Variants in MED13 observed in about 807,000 individuals in gnomAD.
MED13 encodes the protein mediator complex subunit 13.
A neutral mutation model predicts 225.2 loss-of-function variants in MED13; 23 were observed. The observed-to-expected ratio is 0.10, with a 90% CI of 0.07 to 0.14. MED13 has a LOEUF of 0.14. Among genes scored for constraint, MED13 ranks in the 10% least tolerant of loss-of-function variants. The pLI is 1.00. For synonymous variants in MED13, 942 were observed against 889.2 expected, an observed-to-expected ratio of 1.06 and a Z score of -1.06; for missense variants, 2,197 against 2,594.5, an observed-to-expected ratio of 0.85 and a Z score of 3.33.
At chr17:61,984,063 G>A (rs2080227656) in intron 15 of MED13, 108 bp downstream of exon 15, 5 of 832,806 alleles carry the variant, frequency 6.0e-6, no homozygotes, top group Non-Finnish European at 8.7e-6. Flanking sequence ...ATAATTTTTA[G>A]AATTTTCAAA....
At position 61,982,485 on chromosome 17, in the gene MED13, T is replaced by C. The variant is rs1295340523; in HGVS notation, c.3518A>G (p.His1173Arg). 1 of 1,614,248 alleles carries C rather than the reference T, an allele frequency of 6.2e-7. No homozygotes were observed. The highest frequency in any genetic ancestry group is 8.5e-7 in the Non-Finnish European group (1 of 1,180,052). ...AGATTCCTTTAGTCCTCCATTAACA[T>C]GTTCAGCAGAGGTAGCCCTGAGAGC... ...FEALRATSAE[H>R]VNGGLKESEK... Residue 1173 changes from histidine to arginine, a missense_variant, in exon 16 of 30, where the codon CAT becomes CGT. By Grantham distance (29) the His-to-Arg change is conservative. Transcript: ENST00000397786.
intron 8 of MED13, among the ~76,000 whole-genome samples, chr17:62,015,940 ATATATATATATATATTTTTTT>A (rs2080569582): frequency 1.0e-4 from 1 of 9,638 alleles, no homozygotes; most frequent in Non-Finnish European, 2.3e-4. Flanking sequence ...ATATATATAT[ATATATATATATATATTTTTTT>A]TTTTTTTTTT....
intron 9 of MED13, chr17:62,005,922 G>T (rs1459752271): frequency 6.6e-6 from 1 of 152,126 alleles, no homozygotes; most frequent in East Asian, 1.9e-4. Context: ...TCGGCATAGT[G>T]CACAGCAGCC....
chr17:62,032,096 T>C (rs1312684603), intron 5 of MED13, among the ~76,000 whole-genome samples: 1 of 152,028 alleles, frequency 6.6e-6, no homozygotes, highest in Non-Finnish European at 1.5e-5. Flanking sequence ...TTTCTGTTTC[T>C]GTCACAACTG....
rs1176283082 is a variant in MED13, at chr17:61,944,317, A to G, written c.*2151T>C. 6.6e-6 allele frequency: 1 copy of G among 152,260 alleles called. No homozygotes were observed. Among genetic ancestry groups the G allele is most frequent in the Non-Finnish European group, 1.5e-5 (1 of 67,922 alleles). The allele number at this position is 152,260 out of a possible 1,614,324, so 9.4% of individuals were successfully genotyped here. A position where few individuals can be genotyped will look rare whatever the true frequency, so the allele number is the denominator to read the frequency against. ...AGTCACTATTAAGTGTATAAAAAGG[A>G]TACTCTTTTTATGGAAATTCCAAAT... On this transcript the variant is annotated 3_prime_UTR_variant, in exon 30 of 30. Coordinates refer to ENST00000397786, the MANE Select transcript of MED13 (RefSeq NM_005121.3).
chr17:62,004,556 G>C (rs1328187397), intron 9 of MED13: 5 of 152,182 alleles, frequency 3.3e-5, no homozygotes, highest in African/African-American at 1.2e-4. Flanking sequence ...ATTTATCAAG[G>C]ATGCTGGTGT....
At chr17:61,971,384 C>T (rs1231798870) in intron 17 of MED13, among the ~76,000 whole-genome samples, 3 of 151,528 alleles carry the variant, frequency 2.0e-5, no homozygotes, top group Non-Finnish European at 4.4e-5. Context: ...CCTGCGCCTC[C>T]CGGGTTCAAG....
At chr17:61,968,347 A>G (rs1290920104) in intron 17 of MED13, 89 bp from the exon 18 acceptor site, 76 of 993,792 alleles carry the variant, frequency 7.6e-5, no homozygotes, top group Non-Finnish European at 9.8e-5. Flanking sequence ...ATTTTTTGAG[A>G]CAGAGTCTCG....
rs754140011 is a variant in MED13 at position 62,015,867 on chromosome 17, A to ATGTG, written c.1284-4638_1284-4635dup. 4.9e-3 allele frequency among the ~76,000 whole-genome samples: 376 copies of ATGTG among 77,232 alleles called. 5 individuals carry two copies. Among genetic ancestry groups the ATGTG allele is most frequent in the Middle Eastern group, 8.5e-3 (1 of 118 alleles). The allele number at this position is 77,232 out of a possible 152,430, so 50.7% of individuals were successfully genotyped here. On this transcript the variant is annotated intron_variant, in intron 8 of 29. Coordinates refer to ENST00000397786, the MANE Select transcript of MED13 (RefSeq NM_005121.3). Reference sequence around the variant, plus strand: ...CACTATATATATGTGTATAGTGTGTATGTGTGTGTGTATATATATACACAC... The same window carrying ATGTG: ...CACTATATATATGTGTATAGTGTGTATGTGTGTGTGTGTGTATATATATACACAC...
At chr17:62,058,990 T>C (rs926623807) in intron 2 of MED13, among the ~76,000 whole-genome samples, 1 of 151,998 alleles carries the variant, frequency 6.6e-6, no homozygotes, top group Non-Finnish European at 1.5e-5. Flanking sequence ...TAAGAGAAAA[T>C]GAAATTTAAA....
intron 8 of MED13, among the ~76,000 whole-genome samples, chr17:62,024,443 C>A (rs1603404298): frequency 6.6e-6 from 1 of 152,180 alleles, no homozygotes; most frequent in Non-Finnish European, 1.5e-5. Context: ...TTAAAATCCA[C>A]CTTTTCAAAA....
intron 16 of MED13, among the ~76,000 whole-genome samples, chr17:61,979,546 T>C (rs984585190): frequency 9.2e-5 from 14 of 152,062 alleles, no homozygotes; most frequent in African/African-American, 1.4e-4. Context: ...TGGGCTCAAA[T>C]GATCTGCCTG....
At chr17:62,046,981 G>C (rs1450005906) in intron 3 of MED13, among the ~76,000 whole-genome samples, 1 of 151,206 alleles carries the variant, frequency 6.6e-6, no homozygotes, top group Non-Finnish European at 1.5e-5. Context: ...TCAGTCTTCA[G>C]AGTAGCTGGG....
chr17:61,994,601 T>C (rs972238228), intron 10 of MED13, among the ~76,000 whole-genome samples: 5 of 152,248 alleles, frequency 3.3e-5, no homozygotes, highest in African/African-American at 4.8e-5. Context: ...ACAAGTTTAA[T>C]ATGCCCTTTA....
chr17:61,968,343 T>C (rs2080077408), intron 17 of MED13, 85 bp from the exon 18 acceptor site: 2 of 1,026,650 alleles, frequency 1.9e-6, no homozygotes, highest in Non-Finnish European at 1.3e-6. Context: ...ATTTATTTTT[T>C]GAGACAGAGT....
Position 62,050,051 on chromosome 17 carries a change from T to C in MED13, c.470+2486A>G, listed in dbSNP as rs182775101. Among the ~76,000 whole-genome samples the C allele has an allele frequency of 7.0e-4, 106 of 151,704 alleles. 1 individual carries two copies. The highest frequency in any genetic ancestry group is 1.2e-3 in the Non-Finnish European group (83 of 67,900). ...GTTTTTACCAAAACTTATAACTATA[T>C]TGGCAAGATAAGGAAAGGGAGAGGA... On this transcript the variant is annotated intron_variant, in intron 3 of 29. Transcript: ENST00000397786.
intron 26 of MED13, among the ~76,000 whole-genome samples, chr17:61,954,338 C>G (rs772753237): frequency 5.9e-5 from 9 of 152,124 alleles, no homozygotes; most frequent in Admixed American, 1.3e-4. Context: ...GGAAAAGCTA[C>G]GTCCCTACTT....
intron 8 of MED13, among the ~76,000 whole-genome samples, chr17:62,014,332 T>A (rs548615673): frequency 6.3e-4 from 78 of 123,532 alleles, no homozygotes; most frequent in African/African-American, 2.9e-3. Context: ...ATATATATAT[T>A]TTGAGACACA....
intron 3 of MED13, chr17:62,036,802 T>A (rs2080807555): frequency 1.3e-5 from 2 of 152,220 alleles, no homozygotes; most frequent in Non-Finnish European, 2.9e-5. Flanking sequence ...AATTTAAGCA[T>A]GTTATTCAAG....
Sources: gnomAD v4.1 joint callset for allele counts (sites outside exome capture counted in the v4.1 genomes callset) on GRCh38, gnomAD v4.1.1 for gene constraint, MANE v1.5 for transcripts, NCBI Gene and HGNC (gene_info 2026-07-23, HGNC 2026-07-21) for gene names.